GLYATL1: variants seen among roughly 807,000 people sequenced by gnomAD.
GLYATL1 encodes the protein glycine-N-acyltransferase like 1.
Under a neutral mutation model 20.0 loss-of-function variants are expected in GLYATL1, and 15 were observed. The observed-to-expected ratio is 0.75, with a 90% CI of 0.50 to 1.15. GLYATL1 has a LOEUF of 1.15. Among genes scored for constraint, GLYATL1 ranks in the 50% most tolerant of loss-of-function variants. The pLI, the probability that GLYATL1 is intolerant of heterozygous loss-of-function variation, is 0.00. For synonymous variants in GLYATL1, 151 were observed against 131.5 expected, an observed-to-expected ratio of 1.15 and a Z score of -1.01; for missense variants, 380 against 368.5, an observed-to-expected ratio of 1.03 and a Z score of -0.26.
At chr11:58,908,371 G>GC in exon 2 of GLYATL1, 1 of 153,066 alleles carries the variant, frequency 6.5e-6, no homozygotes, top group East Asian at 1.9e-4. Flanking sequence ...TTGTTTTTTT[G>GC]TTTTTTTAGA....
intron 3 of GLYATL1, 132 bp from the exon 4 acceptor site, chr11:58,947,726 A>G (rs1286935584): frequency 5.9e-6 from 4 of 675,100 alleles, no homozygotes; most frequent in African/African-American, 5.3e-5. Flanking sequence ...CCAGGACCAT[A>G]CTGCTCATCT....
chr11:58,917,368 C>G (rs1855199146), intron 1 of GLYATL1: 1 of 152,198 alleles, frequency 6.6e-6, no homozygotes, highest in Non-Finnish European at 1.5e-5. Flanking sequence ...AGCAGATTAA[C>G]AGCCAAACAC....
At chr11:58,926,282 G>A (rs1590773774), upstream of GLYATL1, among the ~76,000 whole-genome samples, 2 of 152,284 alleles carry the variant, frequency 1.3e-5, no homozygotes, top group African/African-American at 2.4e-5. Flanking sequence ...AAATTGATGC[G>A]ATTGGGTGGC....
chr11:58,939,211 T>C (rs1221652973), upstream of GLYATL1, among the ~76,000 whole-genome samples: 1 of 152,176 alleles, frequency 6.6e-6, no homozygotes, highest in Non-Finnish European at 1.5e-5. Flanking sequence ...ACCAGACCCC[T>C]CATAAATTAT....
At chr11:58,909,597 T>G (rs1384481986), downstream of GLYATL1, among the ~76,000 whole-genome samples, 2 of 152,322 alleles carry the variant, frequency 1.3e-5, no homozygotes, top group Non-Finnish European at 1.5e-5. Flanking sequence ...GTATCAAGGA[T>G]GAAGGAATGG....
intron 1 of GLYATL1, among the ~76,000 whole-genome samples, chr11:58,921,139 T>C (rs1292439783): frequency 6.6e-6 from 1 of 152,224 alleles, no homozygotes; most frequent in Non-Finnish European, 1.5e-5. Flanking sequence ...ATATAATGGC[T>C]TAGGCATGAG....
chr11:58,953,450 C>T (rs1357172810), intron 4 of GLYATL1, among the ~76,000 whole-genome samples: 1 of 139,792 alleles, frequency 7.2e-6, no homozygotes, highest in African/African-American at 2.6e-5. Flanking sequence ...AAATGCCTTA[C>T]CAGAAGTTTA....
chr11:58,954,634 C>T (rs1292429649), intron 4 of GLYATL1, 136 bp from the exon 5 acceptor site: 9 of 690,458 alleles, frequency 1.3e-5, no homozygotes, highest in South Asian at 6.3e-5. Flanking sequence ...GTTTTATTAT[C>T]GATGTGCCCA....
At chr11:58,941,138 C>A (rs1240749177) in intron 1 of GLYATL1, among the ~76,000 whole-genome samples, 2 of 151,232 alleles carry the variant, frequency 1.3e-5, no homozygotes, top group Non-Finnish European at 3.0e-5. Flanking sequence ...GTGCTGCACC[C>A]ATTAACTCGT....
chr11:58,917,534 C>G (rs1447986896), intron 1 of GLYATL1, among the ~76,000 whole-genome samples: 1 of 152,204 alleles, frequency 6.6e-6, no homozygotes, highest in Non-Finnish European at 1.5e-5. Context: ...GTGTATAACT[C>G]AGGATTACAT....
In GLYATL1 at chr11:58,947,133, T is replaced by A. The variant is rs776154089; in HGVS notation, c.46T>A (p.Ser16Thr). The change falls in exon 3 of 7, where the codon TCC becomes ACC. Residue 16 changes from serine to threonine, a missense_variant. Physicochemically the swap from Ser to Thr is moderately conservative, Grantham distance 58. Coordinates refer to ENST00000532726, the MANE Select transcript of GLYATL1 (RefSeq NM_001389712.2). ...CCATAAGCTGCTGGCCCTATACAAATCCTTGGCCAGGAGCATCCCTGAGTC... is the reference window on the plus strand; with the variant it reads ...CCATAAGCTGCTGGCCCTATACAAAACCTTGGCCAGGAGCATCCCTGAGTC... ...NSHKLLALYK[S>T]LARSIPESLK... is the part of the protein sequence containing the mutation. 6.2e-7 allele frequency: 1 copy of A among 1,613,996 alleles called. No homozygotes were observed. Among genetic ancestry groups the A allele is most frequent in the Admixed American group, 1.7e-5 (1 of 60,024 alleles).
upstream of GLYATL1, among the ~76,000 whole-genome samples, chr11:58,924,801 C>T (rs1288509730): frequency 6.6e-6 from 1 of 152,160 alleles, no homozygotes; most frequent in Non-Finnish European, 1.5e-5. Flanking sequence ...AGGAACCCCA[C>T]TGAGGGTATG....
chr11:58,932,522 G>A (rs1198805795), intron 1 of GLYATL1, among the ~76,000 whole-genome samples: 2 of 152,158 alleles, frequency 1.3e-5, no homozygotes, highest in South Asian at 2.1e-4. Flanking sequence ...CCCTGCATAT[G>A]TGCACCAGGA....
intron 1 of GLYATL1, among the ~76,000 whole-genome samples, chr11:58,921,440 C>G (rs549673099): frequency 6.6e-6 from 1 of 152,284 alleles, no homozygotes; most frequent in East Asian, 1.9e-4. Flanking sequence ...TATTCTTCAG[C>G]CCCTGCCATC....
chr11:58,916,865 G>A (rs186176824), intron 1 of GLYATL1: 5 of 152,256 alleles, frequency 3.3e-5, no homozygotes, highest in African/African-American at 9.6e-5. Context: ...GCTTGAGAAA[G>A]GGGCTCGAGA....
chr11:58,936,261 A>T (rs489846), upstream of GLYATL1, among the ~76,000 whole-genome samples: 2 of 152,040 alleles, frequency 1.3e-5, no homozygotes, highest in Non-Finnish European at 2.9e-5. Flanking sequence ...GAAGAGATTC[A>T]TGATGAGATA....
chr11:58,914,597 T>G (rs998740533), intron 1 of GLYATL1, among the ~76,000 whole-genome samples: 2 of 152,114 alleles, frequency 1.3e-5, no homozygotes, highest in Non-Finnish European at 2.9e-5. Context: ...CCTCCCTGGG[T>G]GGGGATTTCC....
chr11:58,922,455 TG>T (rs57578210), intron 1 of GLYATL1, among the ~76,000 whole-genome samples: 6,257 of 152,262 alleles, frequency 0.041, 403 homozygotes, highest in African/African-American at 0.14. Flanking sequence ...CTTCTTTCCC[TG>T]AGAGGCATTT....
At position 58,947,139 on chromosome 11, in the gene GLYATL1, G is replaced by T; in HGVS notation, c.52G>T (p.Ala18Ser). The T allele has an allele frequency of 6.2e-7, 1 of 1,613,942 alleles. No homozygotes were observed. The highest frequency in any genetic ancestry group is 8.5e-7 in the Non-Finnish European group (1 of 1,179,860). Residue 18 changes from alanine (A) to serine (S), a missense_variant, in exon 3 of 7, where the codon GCC becomes TCC. Transcript: ENST00000532726. ...HKLLALYKSL[A>S]RSIPESLKVY... ...GCTGCTGGCCCTATACAAATCCTTG[G>T]CCAGGAGCATCCCTGAGTCCCTGAA...
Sources: gnomAD v4.1 joint callset for allele counts (sites outside exome capture counted in the v4.1 genomes callset) on GRCh38, gnomAD v4.1.1 for gene constraint, MANE v1.5 for transcripts, NCBI Gene and HGNC (gene_info 2026-07-23, HGNC 2026-07-21) for gene names.